RNF13: variants seen among roughly 807,000 people sequenced by gnomAD.
RNF13 encodes ring finger protein 13.
In RNF13, 19 loss-of-function variants were observed where a neutral mutation model predicts 37.7. That is an observed-to-expected ratio of 0.50 (90% CI 0.35 to 0.74). RNF13 has a LOEUF of 0.74. Ranked by LOEUF, RNF13 falls within the 30% of genes least tolerant of loss-of-function variation. RNF13 has a pLI of 0.01. For synonymous variants in RNF13, 144 were observed against 157.8 expected (o/e 0.91, Z 0.65); for missense variants, 375 against 453.0 (o/e 0.83, Z 1.56).
At chr3:149,889,972 G>A (rs1714524897) in intron 4 of RNF13, among the ~76,000 whole-genome samples, 1 of 152,162 alleles carries the variant, frequency 6.6e-6, no homozygotes, top group South Asian at 2.1e-4. Flanking sequence ...ATCGCGCCCG[G>A]CCTGAACATT....
intron 1 of RNF13, among the ~76,000 whole-genome samples, chr3:149,821,150 G>C (rs1297201306): frequency 6.6e-6 from 1 of 152,058 alleles, no homozygotes; most frequent in African/African-American, 2.4e-5. Flanking sequence ...GGATTTATTT[G>C]AGAACCTGTT....
At chr3:149,870,797 C>G (rs541722321) in intron 3 of RNF13, among the ~76,000 whole-genome samples, 2 of 151,848 alleles carry the variant, frequency 1.3e-5, no homozygotes, top group South Asian at 4.2e-4. Flanking sequence ...CAAACACTTT[C>G]CATATCACAA....
At chr3:149,866,384 G>A (rs1287927715) in intron 3 of RNF13, among the ~76,000 whole-genome samples, 1 of 152,202 alleles carries the variant, frequency 6.6e-6, no homozygotes, top group Non-Finnish European at 1.5e-5. Flanking sequence ...TGAAGTTGCC[G>A]TGGCATTTGT....
chr3:149,824,453 T>C (rs1413869683), intron 1 of RNF13, among the ~76,000 whole-genome samples: 1 of 152,212 alleles, frequency 6.6e-6, no homozygotes, highest in East Asian at 1.9e-4. Flanking sequence ...AAGAAGGAAT[T>C]AATCTGCCAT....
intron 1 of RNF13, among the ~76,000 whole-genome samples, chr3:149,845,468 G>A (rs1042493446): frequency 2.0e-5 from 3 of 152,156 alleles, no homozygotes; most frequent in Non-Finnish European, 4.4e-5. Flanking sequence ...GGGGAAAAAA[G>A]CATAGATTGT....
rs114754269 is a variant in RNF13 at position 149,887,288 on chromosome 3, G to C, written c.322-8185G>C. On this transcript the variant is annotated intron_variant, in intron 4 of 9. Coordinates refer to ENST00000392894, the MANE Select transcript of RNF13 (RefSeq NM_183381.3). ...ATTTCAATAATGAATAGAACAGCTT[G>C]TCAGAAAATCAGTAAGGAAACACAA... is the stretch of plus-strand genomic sequence containing the variant. 3.5e-3 allele frequency among the ~76,000 whole-genome samples: 538 copies of C among 152,228 alleles called. 2 individuals carry two copies. The highest frequency in any genetic ancestry group is 5.8e-3 in the Non-Finnish European group (392 of 68,008).
chr3:149,826,579 CTT>C (rs530949824), intron 1 of RNF13, among the ~76,000 whole-genome samples: 142 of 152,198 alleles, frequency 9.3e-4, no homozygotes, highest in African/African-American at 3.2e-3. Flanking sequence ...ACAGATTTCT[CTT>C]AATATTTTCG....
At chr3:149,887,074 A>C (rs1404820594) in intron 4 of RNF13, among the ~76,000 whole-genome samples, 6 of 152,176 alleles carry the variant, frequency 3.9e-5, no homozygotes, top group Admixed American at 3.9e-4. Flanking sequence ...TGAAGAGGAC[A>C]GGAGAAACAG....
chr3:149,923,780 A>G (rs1226254784), intron 8 of RNF13, among the ~76,000 whole-genome samples: 1 of 151,940 alleles, frequency 6.6e-6, no homozygotes, highest in Admixed American at 6.6e-5. Context: ...AAAAAAAAAA[A>G]AAAGAAAAGT....
At chr3:149,854,274 C>T (rs1014876066) in intron 3 of RNF13, among the ~76,000 whole-genome samples, 3 of 151,862 alleles carry the variant, frequency 2.0e-5, no homozygotes, top group African/African-American at 4.8e-5. Context: ...ATATTTCAAC[C>T]GAAAAGTAAT....
intron 8 of RNF13, chr3:149,939,605 T>A (rs1720052469): frequency 1.6e-6 from 1 of 623,160 alleles, no homozygotes; most frequent in East Asian, 3.7e-5. Context: ...TCATAATTCA[T>A]TGCCTCTGTT....
intron 4 of RNF13, among the ~76,000 whole-genome samples, chr3:149,882,853 G>T (rs189880164): frequency 4.3e-4 from 66 of 152,190 alleles, no homozygotes; most frequent in African/African-American, 1.6e-3. Context: ...TACTCAGCTG[G>T]ATATTTAAAA....
chr3:149,952,721 T>G (rs1398980802), intron 8 of RNF13, among the ~76,000 whole-genome samples: 1 of 152,068 alleles, frequency 6.6e-6, no homozygotes, highest in Non-Finnish European at 1.5e-5. Flanking sequence ...TGCCTCAGCC[T>G]CCTGAGTAGC....
chr3:149,825,621 G>A (rs1720425266), intron 1 of RNF13, among the ~76,000 whole-genome samples: 2 of 152,190 alleles, frequency 1.3e-5, no homozygotes, highest in Admixed American at 1.3e-4. Flanking sequence ...AACCCAGTGA[G>A]ATTCTCTGTT....
intron 1 of RNF13, among the ~76,000 whole-genome samples, chr3:149,827,558 G>C (rs991836393): frequency 1.3e-5 from 2 of 151,952 alleles, no homozygotes; most frequent in African/African-American, 4.8e-5. Context: ...GCACTCTTTA[G>C]GTACTTGTGA....
At chr3:149,904,073 T>G (rs569512110) in intron 6 of RNF13, among the ~76,000 whole-genome samples, 3 of 152,238 alleles carry the variant, frequency 2.0e-5, no homozygotes, top group African/African-American at 4.8e-5. Flanking sequence ...AAGCCCCCTC[T>G]CTTTCAGTGG....
chr3:149,947,788 G>A (rs187388218), intron 8 of RNF13, among the ~76,000 whole-genome samples: 7 of 152,092 alleles, frequency 4.6e-5, no homozygotes, highest in Non-Finnish European at 8.8e-5. Flanking sequence ...TCTTTTTGGT[G>A]AATTTACCAT....
intron 5 of RNF13, among the ~76,000 whole-genome samples, 199 bp from the exon 6 acceptor site, chr3:149,901,873 A>T (rs895544113): frequency 6.6e-6 from 1 of 152,156 alleles, no homozygotes; most frequent in Non-Finnish European, 1.5e-5. Context: ...TATATGCAAA[A>T]TGTTAGCTTT....
chr3:149,816,190 A>T (rs915319013), intron 1 of RNF13, among the ~76,000 whole-genome samples: 1 of 151,778 alleles, frequency 6.6e-6, no homozygotes, highest in East Asian at 1.9e-4. Context: ...GTGATACATC[A>T]TGCCTGTCTT....
Sources: gnomAD v4.1 joint callset for allele counts (sites outside exome capture counted in the v4.1 genomes callset) on GRCh38, gnomAD v4.1.1 for gene constraint, MANE v1.5 for transcripts, NCBI Gene and HGNC (gene_info 2026-07-23, HGNC 2026-07-21) for gene names.